PSMD10: variants seen among roughly 807,000 people sequenced by gnomAD.
PSMD10 encodes the protein proteasome 26S subunit, non-ATPase 10.
Under a neutral mutation model 13.2 loss-of-function variants are expected in PSMD10, and 2 were observed. The ratio of observed to expected loss-of-function variants is 0.15; its 90% CI spans 0.06 to 0.48. The LOEUF (loss-of-function observed/expected upper bound fraction) is 0.48. Among genes scored for constraint, PSMD10 ranks in the 20% least tolerant of loss-of-function variants. The probability of loss-of-function intolerance (pLI) is 0.97; values close to 1 mark genes in which losing one functional copy is unlikely to be tolerated. For synonymous variants in PSMD10, 66 were observed against 64.4 expected (o/e 1.03, Z -0.12); for missense variants, 120 against 167.4 (o/e 0.72, Z 1.56).
chrX:108,091,291 G>A, intron 1 of PSMD10, 116 bp downstream of exon 1: 1 of 659,625 alleles, frequency 1.5e-6, no homozygotes, highest in Non-Finnish European at 2.4e-6. Context: ...GCTTGGGGCG[G>A]CGGGGGCGGG....
chrX:108,088,481 T>C, intron 2 of PSMD10: 2 of 336,270 alleles, frequency 5.9e-6, no homozygotes, highest in Non-Finnish European at 1.0e-5. Flanking sequence ...AATGGCTCAC[T>C]GCAGCCTCAA....
chrX:108,089,602 G>C (rs2031540080), intron 1 of PSMD10, among the ~76,000 whole-genome samples: 1 of 111,923 alleles, frequency 8.9e-6, no homozygotes, highest in African/African-American at 3.2e-5. Context: ...GGGAGGCTGA[G>C]GTGGGCAGAT....
chrX:108,087,792 T>C lies in PSMD10; in HGVS notation c.421A>G (p.Thr141Ala), dbSNP rs376151499. The C allele has an allele frequency of 1.1e-4, 128 of 1,211,962 alleles. No homozygotes were observed. Among genetic ancestry groups the C allele is most frequent in the Non-Finnish European group, 1.4e-4 (128 of 895,539 alleles). ...TTGGCTGCTGCCCGGTGCATTGCTG[T>C]AGCCTCATAATGGTCCTTAGCATCT... Reference protein sequence around the residue: ...NPDAKDHYEATAMHRAAAKGN... With the variant: ...NPDAKDHYEAAAMHRAAAKGN... Residue 141 changes from threonine to alanine, a missense_variant, in exon 4 of 5, where the codon ACA (threonine) becomes GCA (alanine). Transcript: ENST00000217958.
Position 108,085,410 on chromosome X carries a change from A to G in PSMD10, c.528-283T>C, listed in dbSNP as rs1376833974. Among the ~76,000 whole-genome samples, 4 of 112,583 alleles carry G rather than the reference A, an allele frequency of 3.6e-5. No homozygotes were observed. The East Asian group carries it at 8.3e-4, about 23-fold the overall frequency. On this transcript the variant is annotated intron_variant, in intron 4 of 4. Transcript: ENST00000217958. ...GGAACAACTTTCTCATTTTACAGAG[A>G]TAAGTAGTTGTTTACCTCAAACACT...
chrX:108,087,605 A>T, intron 4 of PSMD10, 81 bp downstream of exon 4: 1 of 1,115,514 alleles, frequency 9.0e-7, no homozygotes, highest in Non-Finnish European at 1.2e-6. Context: ...TAAGCAGAAT[A>T]AAAAAAGAAA....
chrX:108,088,927 A>C (rs936383863), intron 1 of PSMD10, 77 bp from the exon 2 acceptor site: 1 of 802,557 alleles, frequency 1.2e-6, no homozygotes, highest in Admixed American at 2.8e-5. Context: ...GTGCTGGCAA[A>C]TCTATAGTTT....
intron 4 of PSMD10, among the ~76,000 whole-genome samples, chrX:108,086,429 C>T (rs953799962): frequency 1.8e-5 from 2 of 111,716 alleles, no homozygotes; most frequent in African/African-American, 6.5e-5. Context: ...GGCTTGACTA[C>T]GTAGAAATTT....
At chrX:108,087,429 T>C (rs2031510048) in intron 4 of PSMD10, 1 of 295,150 alleles carries the variant, frequency 3.4e-6, no homozygotes, top group Non-Finnish European at 5.7e-6. Flanking sequence ...CCAATTTTGC[T>C]AAAAAATATG....
chrX:108,088,244 C>A (rs1400700009), intron 2 of PSMD10, 145 bp from the exon 3 acceptor site: 5 of 554,770 alleles, frequency 9.0e-6, no homozygotes, highest in Admixed American at 4.2e-5. Flanking sequence ...CTTCACAAAT[C>A]TAATCCTAAT....
intron 1 of PSMD10, among the ~76,000 whole-genome samples, chrX:108,090,289 G>T (rs1293873722): frequency 8.9e-6 from 1 of 111,963 alleles, no homozygotes; most frequent in Non-Finnish European, 1.9e-5. Flanking sequence ...CAGTTGGTTT[G>T]TTTAAATCAG....
intron 1 of PSMD10, among the ~76,000 whole-genome samples, chrX:108,089,537 A>T (rs2031538697): frequency 8.9e-6 from 1 of 112,738 alleles, no homozygotes; most frequent in Non-Finnish European, 1.9e-5. Context: ...CTTTTTATAA[A>T]AAATAATAAG....
chrX:108,091,417 C>T lies in PSMD10; in HGVS notation c.104G>A (p.Arg35Lys), dbSNP rs921913551. Residue 35 changes from arginine (R) to lysine (K), a missense_variant, in exon 1 of 5, where the codon AGA (arginine) becomes AAA (lysine). Physicochemically the swap from Arg to Lys is conservative, Grantham distance 26. This residue lies in a region of PSMD10 where 32 missense variants were observed against 26.2 expected (regional missense o/e 1.22). Transcript: ENST00000217958. ...CTAGCGTTGCTTTACCTGGTCAGTT[C>T]TAGTAGCCAGGGATTTATCGGCCAG... Reference protein sequence around the residue: ...SILADKSLATRTDQDSRTALH... With the variant: ...SILADKSLATKTDQDSRTALH... The T allele has an allele frequency of 8.3e-7, 1 of 1,211,198 alleles. No homozygotes were observed. The highest frequency in any genetic ancestry group is 1.1e-6 in the Non-Finnish European group (1 of 894,431).
In PSMD10 at chrX:108,084,855, G is replaced by T; in HGVS notation, c.*119C>A. 1.2e-6 allele frequency: 1 copy of T among 827,856 alleles called. No homozygotes were observed. Among genetic ancestry groups the T allele is most frequent in the South Asian group, 3.8e-5 (1 of 26,389 alleles). The allele number at this position is 827,856 out of a possible 1,213,427, so 68.2% of individuals were successfully genotyped here. A position where few individuals can be genotyped will look rare whatever the true frequency, so the allele number is the denominator to read the frequency against. On this transcript the variant is annotated 3_prime_UTR_variant, in exon 5 of 5. Transcript: ENST00000217958. ...GGAACAAGAGTCAACATGTTTATAA[G>T]ACTTTGAAGGTGAGAAAACTTCATC...
At chrX:108,089,357 GA>G (rs1014547866) in intron 1 of PSMD10, among the ~76,000 whole-genome samples, 12 of 111,564 alleles carry the variant, frequency 1.1e-4, no homozygotes, top group Non-Finnish European at 1.5e-4. Context: ...TTCTGACTCT[GA>G]AATCTCTACT....
intron 2 of PSMD10, 53 bp downstream of exon 2, chrX:108,088,699 G>T: frequency 1.0e-6 from 1 of 992,997 alleles, no homozygotes; most frequent in Non-Finnish European, 1.4e-6. Context: ...ACACCAGTCT[G>T]GAGTACAAAG....
chrX:108,087,704 G>A lies in PSMD10; in HGVS notation c.509C>T (p.Thr170Ile). ...CACTTACAGAGGAGTGTTACCCTCA[G>A]TGTCTTGGATGTTTGTGGATGCTTT... ...YYKASTNIQD[T>I]EGNTPLHLAC... Residue 170 changes from threonine (T) to isoleucine (I), a missense_variant, in exon 4 of 5, where the codon ACT becomes ATT. Thr to Ile is a moderately conservative substitution (Grantham distance 89). This residue lies in a region of PSMD10 where 68 missense variants were observed against 124.8 expected (regional missense o/e 0.54). Transcript: ENST00000217958. The A allele has an allele frequency of 3.3e-6, 4 of 1,210,406 alleles. No homozygotes were observed. The highest frequency in any genetic ancestry group is 1.8e-5 in the South Asian group (1 of 56,918).
At chrX:108,091,296 G>T (rs1204238691) in intron 1 of PSMD10, 111 bp downstream of exon 1, 6 of 697,143 alleles carry the variant, frequency 8.6e-6, no homozygotes, top group Non-Finnish European at 1.4e-5. Flanking sequence ...GGGCGGCGGG[G>T]GCGGGGTTCT....
At position 108,084,699 on chromosome X, in the gene PSMD10, C is replaced by T; in HGVS notation, c.*275G>A. On this transcript the variant is annotated 3_prime_UTR_variant, in exon 5 of 5. Transcript: ENST00000217958. ...ATGGGAGGGTGCTGAAGACTCACAA[C>T]AGCCACAGAATTAGTTACTCCAAAT... is the stretch of plus-strand genomic sequence containing the variant. 4.5e-6 allele frequency: 1 copy of T among 220,328 alleles called. No individual in the cohort carries two copies. The highest frequency in any genetic ancestry group is 8.4e-5 in the East Asian group (1 of 11,876). 18.2% of individuals were successfully genotyped at this position (220,328 alleles called of 1,213,427 possible).
intron 2 of PSMD10, 52 bp downstream of exon 2, chrX:108,088,700 G>A (rs1369943995): frequency 1.0e-6 from 1 of 996,318 alleles, no homozygotes; most frequent in African/African-American, 1.9e-5. Flanking sequence ...CACCAGTCTG[G>A]AGTACAAAGA....
Sources: gnomAD v4.1 joint callset for allele counts (sites outside exome capture counted in the v4.1 genomes callset) on GRCh38, gnomAD v4.1.1 for gene constraint, gnomAD v4.1.1 regional missense constraint, MANE v1.5 for transcripts, NCBI Gene and HGNC (gene_info 2026-07-23, HGNC 2026-07-21) for gene names.